VTA1: variants seen among roughly 807,000 people sequenced by gnomAD.
VTA1 encodes vacuolar protein sorting-associated protein VTA1 homolog.
A neutral mutation model predicts 36.9 loss-of-function variants in VTA1; 24 were observed. The observed-to-expected ratio is 0.65, with a 90% CI of 0.47 to 0.91. The LOEUF (loss-of-function observed/expected upper bound fraction) is 0.91. Among genes scored for constraint, VTA1 ranks in the 40% least tolerant of loss-of-function variants. The pLI is 0.00. For synonymous variants in VTA1, 142 were observed against 130.2 expected (o/e 1.09, Z -0.62); for missense variants, 393 against 377.2 (o/e 1.04, Z -0.35).
intron 4 of VTA1, among the ~76,000 whole-genome samples, chr6:142,180,475 G>A (rs1201769245): frequency 6.6e-6 from 1 of 152,156 alleles, no homozygotes; most frequent in Non-Finnish European, 1.5e-5. Context: ...CTTTGTCATA[G>A]TATTCTAACT....
rs921042838 is a variant in VTA1 at position 142,222,044 on chromosome 6, A to C, written c.*3401A>C. 2 of 151,844 alleles carry C rather than the reference A, an allele frequency of 1.3e-5. No homozygotes were observed. Among genetic ancestry groups the C allele is most frequent in the Non-Finnish European group, 2.9e-5 (2 of 67,962 alleles). 9.4% of individuals were successfully genotyped at this position (151,844 alleles called of 1,614,324 possible). A position where few individuals can be genotyped will look rare whatever the true frequency, so the allele number is the denominator to read the frequency against. On this transcript the variant is annotated 3_prime_UTR_variant, in exon 8 of 8. Coordinates refer to ENST00000367630, the MANE Select transcript of VTA1 (RefSeq NM_016485.5). ...TTAGTCCAGGAGTAGCCTTGGAGGT[A>C]ATAAAACGGGATTGGTTTCTGGCGG...
chr6:142,170,666 T>C (rs1272974701), intron 4 of VTA1, among the ~76,000 whole-genome samples: 1 of 152,214 alleles, frequency 6.6e-6, no homozygotes. Flanking sequence ...AGGATATTGC[T>C]CTGTTGCCCA....
Position 142,198,583 on chromosome 6 carries a change from C to T in VTA1, c.665C>T (p.Ala222Val), listed in dbSNP as rs1775615537. ...IQIPPGAHAP[A>V]NTPAEVPHST... The stretch of plus-strand genomic sequence containing the variant: ...ATTCCTCCGGGTGCACACGCTCCAG[C>T]TAATACACCAGCAGAAGTGCCTCAC... The change falls in exon 6 of 8, where the codon GCT (alanine) becomes GTT (valine). Residue 222 changes from alanine (A) to valine (V), a missense_variant. By Grantham distance (64) the Ala-to-Val change is moderately conservative (BLOSUM62 0). Transcript: ENST00000367630. 6.2e-7 allele frequency: 1 copy of T among 1,612,968 alleles called. No individual in the cohort carries two copies. The highest frequency in any genetic ancestry group is 8.5e-7 in the Non-Finnish European group (1 of 1,179,286).
rs1348637557 is a variant in VTA1, at chr6:142,223,684, G to A, written c.*5041G>A. The A allele has an allele frequency of 6.6e-6, 1 of 152,052 alleles. No individual in the cohort carries two copies. The highest frequency in any genetic ancestry group is 1.5e-5 in the Non-Finnish European group (1 of 68,026). The allele number at this position is 152,052 out of a possible 1,614,324, so 9.4% of individuals were successfully genotyped here. A position where few individuals can be genotyped will look rare whatever the true frequency, so the allele number is the denominator to read the frequency against. On this transcript the variant is annotated 3_prime_UTR_variant, in exon 8 of 8. Coordinates refer to ENST00000367630, the MANE Select transcript of VTA1 (RefSeq NM_016485.5). ...TTGTCAAATATTAAGTCATTCATAT[G>A]TTCAAAAATATTAATATGTATTGAG...
At chr6:142,217,795 C>T (rs563960769) in intron 7 of VTA1, among the ~76,000 whole-genome samples, 55 of 151,234 alleles carry the variant, frequency 3.6e-4, no homozygotes, top group Non-Finnish European at 6.6e-4. Context: ...TTAATTTTGT[C>T]TTTAGAAATA....
intron 1 of VTA1, among the ~76,000 whole-genome samples, chr6:142,164,284 A>G (rs1263910684): frequency 6.6e-6 from 1 of 152,138 alleles, no homozygotes; most frequent in African/African-American, 2.4e-5. Context: ...ATCCCTTTGT[A>G]TGTCAAAGTG....
intron 1 of VTA1, among the ~76,000 whole-genome samples, chr6:142,158,661 T>A (rs1278522041): frequency 6.6e-6 from 1 of 152,196 alleles, no homozygotes; most frequent in African/African-American, 2.4e-5. Flanking sequence ...GTTTAAGTCT[T>A]GCTATTGGTT....
intron 7 of VTA1, among the ~76,000 whole-genome samples, chr6:142,212,555 C>G (rs1280154635): frequency 6.6e-6 from 1 of 152,106 alleles, no homozygotes; most frequent in Non-Finnish European, 1.5e-5. Context: ...AGTTTTAGGG[C>G]AGTGAATCTA....
chr6:142,179,942 A>G (rs754990659), intron 4 of VTA1, among the ~76,000 whole-genome samples: 1 of 152,224 alleles, frequency 6.6e-6, no homozygotes, highest in African/African-American at 2.4e-5. Context: ...ACAATGTGGA[A>G]TGAGAGAAGA....
chr6:142,200,088 T>C (rs567690357), intron 6 of VTA1, among the ~76,000 whole-genome samples: 13 of 152,252 alleles, frequency 8.5e-5, no homozygotes, highest in Non-Finnish European at 1.9e-4. Context: ...AGGCAAATCA[T>C]ATTGGTTATT....
chr6:142,182,826 A>G (rs1213920364), intron 4 of VTA1, among the ~76,000 whole-genome samples: 2 of 152,176 alleles, frequency 1.3e-5, no homozygotes, highest in East Asian at 1.9e-4. Flanking sequence ...GTTGGCAGCA[A>G]ATACACCTCA....
At chr6:142,176,058 G>A (rs1323888674) in intron 4 of VTA1, among the ~76,000 whole-genome samples, 1 of 152,036 alleles carries the variant, frequency 6.6e-6, no homozygotes, top group African/African-American at 2.4e-5. Flanking sequence ...CCCAGTTTTA[G>A]TTATAGAGTC....
chr6:142,179,201 C>T (rs1242400468), intron 4 of VTA1, among the ~76,000 whole-genome samples: 4 of 151,940 alleles, frequency 2.6e-5, no homozygotes, highest in East Asian at 3.8e-4. Context: ...TAAAATAACA[C>T]GAATAACGAG....
chr6:142,158,288 G>C (rs1237789706), intron 1 of VTA1, among the ~76,000 whole-genome samples: 1 of 152,112 alleles, frequency 6.6e-6, no homozygotes, highest in Admixed American at 6.5e-5. Flanking sequence ...ACATCTTGCT[G>C]GATGCAGGGT....
intron 5 of VTA1, among the ~76,000 whole-genome samples, chr6:142,190,207 C>T (rs1775427685): frequency 6.6e-6 from 1 of 152,130 alleles, no homozygotes; most frequent in Admixed American, 6.5e-5. Context: ...GTAATACATT[C>T]ACATGGTTCA....
At chr6:142,195,488 A>G (rs1318783272) in intron 5 of VTA1, among the ~76,000 whole-genome samples, 1 of 150,606 alleles carries the variant, frequency 6.6e-6, no homozygotes, top group East Asian at 2.0e-4. Context: ...CTTGACAGAG[A>G]TGTTTTAATT....
At chr6:142,210,267 C>CA (rs1426815855) in intron 7 of VTA1, among the ~76,000 whole-genome samples, 1 of 152,078 alleles carries the variant, frequency 6.6e-6, no homozygotes, top group African/African-American at 2.4e-5. Context: ...AAAATCAAGT[C>CA]AAAATGGATT....
intron 4 of VTA1, among the ~76,000 whole-genome samples, chr6:142,176,708 A>ATCTATCT (rs1258977324): frequency 6.6e-6 from 1 of 152,154 alleles, no homozygotes; most frequent in East Asian, 1.9e-4. Context: ...GCATACAGAT[A>ATCTATCT]GATATACAGC....
chr6:142,164,565 A>C (rs1055882669), intron 1 of VTA1, among the ~76,000 whole-genome samples: 4 of 152,184 alleles, frequency 2.6e-5, no homozygotes, highest in Non-Finnish European at 5.9e-5. Context: ...TAAATAGGTA[A>C]CTGTTTCGTG....
Sources: gnomAD v4.1 joint callset for allele counts (sites outside exome capture counted in the v4.1 genomes callset) on GRCh38, gnomAD v4.1.1 for gene constraint, MANE v1.5 for transcripts, NCBI Gene and HGNC (gene_info 2026-07-23, HGNC 2026-07-21) for gene names.